Variants in CHEK2 observed in about 807,000 individuals in gnomAD.
CHEK2 encodes serine/threonine-protein kinase Chk2.
CHEK2 carries 71 observed loss-of-function variants against 69.1 expected under a neutral mutation model. That is an observed-to-expected ratio of 1.03 (90% CI 0.85 to 1.25). The LOEUF (loss-of-function observed/expected upper bound fraction) is 1.25, where lower values mean the gene tolerates loss of function less well. CHEK2 is among the 50% of genes most tolerant of loss of function. The pLI is 0.00. For synonymous variants in CHEK2, 189 were observed against 226.9 expected, an observed-to-expected ratio of 0.83 and a Z score of 1.50; for missense variants, 664 against 649.6, an observed-to-expected ratio of 1.02 and a Z score of -0.24.
chr22:28,723,337 G>A lies in CHEK2; in HGVS notation c.592+1640C>T, dbSNP rs17878926. ...CAATAGGCCGGGCGCGGTGGCTCAC[G>A]CCTGTAATCCCAGCACTTTGGGAGG... On this transcript the variant is annotated intron_variant, in intron 4 of 14. Coordinates refer to ENST00000404276, the MANE Select transcript of CHEK2 (RefSeq NM_007194.4). Among the ~76,000 whole-genome samples the A allele has an allele frequency of 1.3e-3, 199 of 152,244 alleles. No homozygotes were observed. In the East Asian group the frequency reaches 0.028, roughly 21 times the overall value.
intron 5 of CHEK2, among the ~76,000 whole-genome samples, chr22:28,714,264 AGG>A (rs2053512907): frequency 6.6e-6 from 1 of 152,178 alleles, no homozygotes; most frequent in East Asian, 1.9e-4. Context: ...CCTAGTAGGT[AGG>A]TGTGAAGTGG....
At chr22:28,732,488 C>G (rs2054249950) in intron 2 of CHEK2, among the ~76,000 whole-genome samples, 1 of 152,156 alleles carries the variant, frequency 6.6e-6, no homozygotes, top group Non-Finnish European at 1.5e-5. Context: ...CTCAGGTGAT[C>G]CACCTGCCTT....
At chr22:28,736,130 G>GT (rs2054396062) in intron 1 of CHEK2, among the ~76,000 whole-genome samples, 1 of 152,106 alleles carries the variant, frequency 6.6e-6, no homozygotes, top group African/African-American at 2.4e-5. Context: ...AAACTATGAC[G>GT]TTTGGTATCT....
At chr22:28,702,203 C>T (rs760570053) in intron 8 of CHEK2, among the ~76,000 whole-genome samples, 43 of 148,786 alleles carry the variant, frequency 2.9e-4, no homozygotes, top group South Asian at 1.1e-3. Flanking sequence ...CCATATTGCC[C>T]AGGCTGTATC....
At chr22:28,698,048 A>G (rs2052658910) in intron 9 of CHEK2, among the ~76,000 whole-genome samples, 1 of 151,944 alleles carries the variant, frequency 6.6e-6, no homozygotes, top group Non-Finnish European at 1.5e-5. Context: ...AAACATGTAC[A>G]CCTACTATGT....
intron 9 of CHEK2, among the ~76,000 whole-genome samples, chr22:28,697,201 G>A (rs1053173462): frequency 1.4e-4 from 22 of 152,204 alleles, no homozygotes; most frequent in African/African-American, 5.3e-4. Flanking sequence ...AAGCAACTTA[G>A]AACAATTAAC....
At chr22:28,710,396 C>T (rs2053351169) in intron 6 of CHEK2, among the ~76,000 whole-genome samples, 1 of 152,190 alleles carries the variant, frequency 6.6e-6, no homozygotes, top group Admixed American at 6.5e-5. Flanking sequence ...TCTCCACAGT[C>T]AGAAACAAGT....
Position 28,688,085 on chromosome 22 carries a change from T to G in CHEK2, c.1543-99A>C, listed in dbSNP as rs188451595. 3.1e-5 allele frequency: 30 copies of G among 973,648 alleles called. No homozygotes were observed. In the African/African-American group the frequency reaches 4.5e-4, roughly 15 times the overall value. The allele number at this position is 973,648 out of a possible 1,614,324, so 60.3% of individuals were successfully genotyped here. ...ATATGCTTCCAGTAAAGTGGGGGCA[T>G]TTGATGTGAAATTCTAGAACCAAAA... On this transcript the variant is annotated intron_variant, in intron 14 of 14. Transcript: ENST00000404276.
At chr22:28,733,308 G>A (rs2054272433) in intron 2 of CHEK2, among the ~76,000 whole-genome samples, 1 of 152,186 alleles carries the variant, frequency 6.6e-6, no homozygotes, top group Non-Finnish European at 1.5e-5. Flanking sequence ...AACTAGTGAA[G>A]CTTTTGTGAT....
chr22:28,737,936 TG>T (rs2054459580), intron 1 of CHEK2: 1 of 152,268 alleles, frequency 6.6e-6, no homozygotes, highest in Non-Finnish European at 1.5e-5. Context: ...CCAGGTGTGG[TG>T]GTTCATGTCT....
intron 8 of CHEK2, among the ~76,000 whole-genome samples, chr22:28,702,063 C>G (rs890897995): frequency 2.7e-5 from 4 of 150,838 alleles, no homozygotes; most frequent in African/African-American, 9.8e-5. Context: ...GTGATCCTCC[C>G]ACCTCAGCCT....
chr22:28,740,572 AT>A (rs1156781106), intron 1 of CHEK2, among the ~76,000 whole-genome samples: 1 of 152,212 alleles, frequency 6.6e-6, no homozygotes, highest in African/African-American at 2.4e-5. Flanking sequence ...TAAATATACT[AT>A]TGTGTACGGT....
At chr22:28,718,815 G>T (rs2053667683) in intron 5 of CHEK2, among the ~76,000 whole-genome samples, 1 of 151,596 alleles carries the variant, frequency 6.6e-6, no homozygotes, top group East Asian at 1.9e-4. Flanking sequence ...CCTGGAAGTG[G>T]AGGTTGCAGT....
chr22:28,702,135 C>CTGTGTGTGTGTGTGTGTGTGTGTGTGTG (rs141703411), intron 8 of CHEK2, among the ~76,000 whole-genome samples: 1 of 140,314 alleles, frequency 7.1e-6, no homozygotes, highest in Non-Finnish European at 1.5e-5. Context: ...GTGTGTGTGT[C>CTGTGTGTGTGTGTGTGTGTGTGTGTGTG]TGTGTGTGTG....
At chr22:28,693,893 C>G in intron 13 of CHEK2, 139 bp downstream of exon 13, 1 of 728,876 alleles carries the variant, frequency 1.4e-6, no homozygotes, top group Non-Finnish European at 2.5e-6. Flanking sequence ...AACCCATCCT[C>G]CAAGATACCC....
At chr22:28,708,767 T>A (rs1034520702) in intron 7 of CHEK2, 1 of 194,136 alleles carries the variant, frequency 5.2e-6, no homozygotes, top group African/African-American at 2.4e-5. Context: ...ATAGAGACCA[T>A]CCTGGCTAAC....
chr22:28,688,408 G>C (rs2052208693), intron 14 of CHEK2, among the ~76,000 whole-genome samples: 1 of 152,244 alleles, frequency 6.6e-6, no homozygotes, highest in South Asian at 2.1e-4. Flanking sequence ...GTGACTCACA[G>C]CTGTAATCCC....
chr22:28,736,768 C>T (rs1292534678), intron 1 of CHEK2, among the ~76,000 whole-genome samples: 1 of 148,752 alleles, frequency 6.7e-6, no homozygotes, highest in Non-Finnish European at 1.5e-5. Flanking sequence ...AGTGGGACCC[C>T]CCCCGCCCCC....
chr22:28,712,156 C>A, intron 5 of CHEK2, 139 bp from the exon 6 acceptor site: 1 of 682,168 alleles, frequency 1.5e-6, no homozygotes, highest in South Asian at 1.6e-5. Context: ...GCAGAGGACA[C>A]AGTGAAACTT....
Sources: gnomAD v4.1 joint callset for allele counts (sites outside exome capture counted in the v4.1 genomes callset) on GRCh38, gnomAD v4.1.1 for gene constraint, MANE v1.5 for transcripts, NCBI Gene and HGNC (gene_info 2026-07-23, HGNC 2026-07-21) for gene names.